CC2D2B: variants seen among roughly 807,000 people sequenced by gnomAD.
CC2D2B encodes coiled-coil and C2 domain containing 2B, also known as protein CC2D2B.
A neutral mutation model predicts 161.2 loss-of-function variants in CC2D2B; 128 were observed. That is an observed-to-expected ratio of 0.79 (90% CI 0.69 to 0.92). The LOEUF (loss-of-function observed/expected upper bound fraction) is 0.92, where lower values mean the gene tolerates loss of function less well. CC2D2B is among the 40% of genes least tolerant of loss of function. The pLI, the probability that CC2D2B is intolerant of heterozygous loss-of-function variation, is 0.00. For synonymous variants in CC2D2B, 391 were observed against 449.8 expected (o/e 0.87, Z 1.65); for missense variants, 1,173 against 1,375.1 (o/e 0.85, Z 2.32).
At chr10:95,999,745 CTTTT>C (rs746798457) in intron 24 of CC2D2B, 1,180 of 174,410 alleles carry the variant, frequency 6.8e-3, no homozygotes, top group Middle Eastern at 0.013. Context: ...GTCCAGAGGT[CTTTT>C]TTTTTTTTTT....
chr10:95,993,952 G>GTGTGTA (rs2078117858), intron 22 of CC2D2B, among the ~76,000 whole-genome samples: 2 of 18,184 alleles, frequency 1.1e-4, no homozygotes, highest in Non-Finnish European at 2.6e-4. Flanking sequence ...GTATGTATGT[G>GTGTGTA]TATATATATA....
At chr10:96,025,198 T>G (rs756267468) in intron 33 of CC2D2B, among the ~76,000 whole-genome samples, 1 of 93,616 alleles carries the variant, frequency 1.1e-5, no homozygotes, top group Non-Finnish European at 2.0e-5. Flanking sequence ...AAAAAATATA[T>G]ATATATATAT....
chr10:95,963,836 C>T (rs77104678), intron 12 of CC2D2B, among the ~76,000 whole-genome samples: 5,566 of 152,204 alleles, frequency 0.037, 140 homozygotes, highest in South Asian at 0.079. Flanking sequence ...AAAGTTACAG[C>T]GGCAGAAATG....
intron 20 of CC2D2B, among the ~76,000 whole-genome samples, chr10:95,991,040 A>G (rs888075672): frequency 2.0e-5 from 3 of 152,194 alleles, no homozygotes; most frequent in Non-Finnish European, 2.9e-5. Context: ...TCACAGGGCA[A>G]TTGTCTCCTT....
chr10:95,994,333 C>T (rs2078144221), intron 22 of CC2D2B, among the ~76,000 whole-genome samples: 1 of 152,096 alleles, frequency 6.6e-6, no homozygotes, highest in South Asian at 2.1e-4. Context: ...CTTCTATGCA[C>T]TTGTAAGAAA....
chr10:95,909,573 A>T (rs932755692), intron 1 of CC2D2B, among the ~76,000 whole-genome samples: 3 of 152,266 alleles, frequency 2.0e-5, no homozygotes, highest in Non-Finnish European at 2.9e-5. Flanking sequence ...AGGAAAGTGC[A>T]TTAATACATT....
intron 17 of CC2D2B, among the ~76,000 whole-genome samples, chr10:95,980,155 C>T (rs1041106114): frequency 5.0e-5 from 7 of 139,492 alleles, no homozygotes; most frequent in Admixed American, 7.8e-5. Flanking sequence ...AATCTTCAAT[C>T]GAAAAGAAGA....
At chr10:95,974,841 GGA>G (rs1188368969) in intron 17 of CC2D2B, among the ~76,000 whole-genome samples, 1 of 152,146 alleles carries the variant, frequency 6.6e-6, no homozygotes. Flanking sequence ...GGTTCTAGGG[GGA>G]GATAAGAATG....
chr10:95,923,903 C>T (rs1396787317), intron 3 of CC2D2B, among the ~76,000 whole-genome samples: 1 of 152,078 alleles, frequency 6.6e-6, no homozygotes, highest in Non-Finnish European at 1.5e-5. Flanking sequence ...CGCCTGTAAT[C>T]CCAGCCACTC....
intron 28 of CC2D2B, 78 bp from the exon 29 acceptor site, chr10:96,013,710 A>G (rs2079082881): frequency 2.6e-6 from 2 of 758,480 alleles, no homozygotes; most frequent in Admixed American, 2.3e-5. Flanking sequence ...TATATGCTAA[A>G]TGAGAGAGTG....
intron 11 of CC2D2B, among the ~76,000 whole-genome samples, chr10:95,959,358 C>G (rs1460452061): frequency 6.6e-6 from 1 of 152,164 alleles, no homozygotes; most frequent in Non-Finnish European, 1.5e-5. Flanking sequence ...ATCGGGAACT[C>G]TACAGGTAGG....
At chr10:96,031,580 T>G (rs568187650) in intron 34 of CC2D2B, among the ~76,000 whole-genome samples, 1 of 152,200 alleles carries the variant, frequency 6.6e-6, no homozygotes, top group East Asian at 1.9e-4. Flanking sequence ...TCAGACCTGG[T>G]TGTGCTCCTA....
chr10:96,025,146 T>TAAA (rs58200004), intron 33 of CC2D2B, among the ~76,000 whole-genome samples: 38 of 29,744 alleles, frequency 1.3e-3, no homozygotes, highest in African/African-American at 6.0e-3. Flanking sequence ...TCATCTCTAC[T>TAAA]AAAAAAAAAT....
intron 6 of CC2D2B, among the ~76,000 whole-genome samples, chr10:95,928,231 TTA>T (rs2098543093): frequency 1.1e-5 from 1 of 91,150 alleles, no homozygotes; most frequent in Non-Finnish European, 2.2e-5. Flanking sequence ...TTTTGCACAA[TTA>T]AAAAAAAAAA....
intron 25 of CC2D2B, among the ~76,000 whole-genome samples, chr10:96,007,698 G>A (rs2078811235): frequency 1.3e-5 from 2 of 152,086 alleles, no homozygotes; most frequent in African/African-American, 4.8e-5. Flanking sequence ...CAGGAATCAG[G>A]GTTTTAGCAG....
chr10:95,972,829 G>A (rs1368907426), intron 16 of CC2D2B, among the ~76,000 whole-genome samples: 1 of 152,060 alleles, frequency 6.6e-6, no homozygotes, highest in Admixed American at 6.5e-5. Context: ...CTCTCCTTTA[G>A]TGAACCTACA....
chr10:95,928,964 C>T (rs2098544600), intron 6 of CC2D2B, among the ~76,000 whole-genome samples: 1 of 152,100 alleles, frequency 6.6e-6, no homozygotes, highest in Non-Finnish European at 1.5e-5. Flanking sequence ...GGTTCTAGAT[C>T]CTTAGGGAAT....
intron 2 of CC2D2B, chr10:95,920,857 G>A (rs1222534401): frequency 2.6e-5 from 4 of 152,382 alleles, no homozygotes; most frequent in Admixed American, 2.0e-4. Flanking sequence ...AGTGCCAGGA[G>A]TGGGGGCTTT....
chr10:96,014,436 G>GT (rs2079107783), intron 29 of CC2D2B, among the ~76,000 whole-genome samples: 1 of 152,170 alleles, frequency 6.6e-6, no homozygotes, highest in Non-Finnish European at 1.5e-5. Context: ...CCTAAGTAGA[G>GT]TATTTAGAGT....
Sources: gnomAD v4.1 joint callset for allele counts (sites outside exome capture counted in the v4.1 genomes callset) on GRCh38, gnomAD v4.1.1 for gene constraint, MANE v1.5 for transcripts, NCBI Gene and HGNC (gene_info 2026-07-23, HGNC 2026-07-21) for gene names.